The following DLGAP1 variants were observed in gnomAD, a reference collection of about 807,000 sequenced individuals.
DLGAP1 encodes disks large-associated protein 1.
In DLGAP1, 11 loss-of-function variants were observed where a neutral mutation model predicts 90.8. That is an observed-to-expected ratio of 0.12 (90% CI 0.08 to 0.20). DLGAP1 has a LOEUF of 0.20. Ranked by LOEUF, DLGAP1 falls within the 10% of genes least tolerant of loss-of-function variation. The probability of loss-of-function intolerance (pLI) is 1.00; values close to 1 mark genes in which losing one functional copy is unlikely to be tolerated. For synonymous variants in DLGAP1, 558 were observed against 540.7 expected (o/e 1.03, Z -0.44); for missense variants, 1,050 against 1,333.8 (o/e 0.79, Z 3.31).
At chr18:4,006,236 A>G (rs1025455179) in intron 2 of DLGAP1, among the ~76,000 whole-genome samples, 7 of 152,200 alleles carry the variant, frequency 4.6e-5, no homozygotes, top group African/African-American at 1.7e-4. Context: ...GGAGACTAGC[A>G]AAGCCCCTGC....
chr18:4,306,033 T>TACACAGACACAC (rs1555779968), intron 1 of DLGAP1, among the ~76,000 whole-genome samples: 1 of 142,110 alleles, frequency 7.0e-6, no homozygotes, highest in African/African-American at 2.7e-5. Flanking sequence ...CACACACAAA[T>TACACAGACACAC]ACACACACAC....
At chr18:4,200,196 T>C (rs1392567788) in intron 1 of DLGAP1, among the ~76,000 whole-genome samples, 1 of 152,144 alleles carries the variant, frequency 6.6e-6, no homozygotes, top group Non-Finnish European at 1.5e-5. Flanking sequence ...TAAAGATGTT[T>C]TTGAAATTTT....
At chr18:3,925,699 T>A (rs554743898) in intron 3 of DLGAP1, among the ~76,000 whole-genome samples, 1 of 152,194 alleles carries the variant, frequency 6.6e-6, no homozygotes, top group East Asian at 1.9e-4. Flanking sequence ...AAGCCACAGG[T>A]GCAGAGAAGA....
At chr18:3,635,086 A>G (rs1369721869) in intron 7 of DLGAP1, among the ~76,000 whole-genome samples, 1 of 152,118 alleles carries the variant, frequency 6.6e-6, no homozygotes, top group Non-Finnish European at 1.5e-5. Flanking sequence ...TACTGACCAC[A>G]GAAAGTTTCA....
rs188833732 is a variant in DLGAP1, at chr18:4,186,512, A to G, written c.-266-35225T>C. Among the ~76,000 whole-genome samples, 46 of 152,228 alleles carry G rather than the reference A, an allele frequency of 3.0e-4. No individual in the cohort carries two copies. The East Asian group carries it at 7.9e-3, about 26-fold the overall frequency. ...TGCATATGGCTAACCAGTTATCCCA[A>G]CGCCATTTGTTAAATAAGTAATCTT... is the stretch of plus-strand genomic sequence containing the variant. On this transcript the variant is annotated intron_variant, in intron 1 of 12. Coordinates refer to ENST00000315677, the MANE Select transcript of DLGAP1 (RefSeq NM_004746.4).
chr18:3,890,135 T>G (rs1478725480), intron 3 of DLGAP1, among the ~76,000 whole-genome samples: 1 of 152,234 alleles, frequency 6.6e-6, no homozygotes, highest in African/African-American at 2.4e-5. Context: ...CACTGTGGTC[T>G]ACATCCAAGT....
intron 2 of DLGAP1, among the ~76,000 whole-genome samples, chr18:4,090,409 C>A (rs1045575468): frequency 2.6e-5 from 4 of 152,080 alleles, no homozygotes; most frequent in African/African-American, 4.8e-5. Context: ...AAGAAAAAAA[C>A]CACCCCATCA....
chr18:4,269,281 A>G (rs2079201465), intron 1 of DLGAP1, among the ~76,000 whole-genome samples: 1 of 149,092 alleles, frequency 6.7e-6, no homozygotes, highest in African/African-American at 2.4e-5. Context: ...TTCTCTTTGG[A>G]AAACTATCAC....
intron 1 of DLGAP1, among the ~76,000 whole-genome samples, chr18:4,164,957 A>T (rs572291241): frequency 6.6e-6 from 1 of 152,230 alleles, no homozygotes; most frequent in Non-Finnish European, 1.5e-5. Flanking sequence ...TCTCATCAAC[A>T]GAGGGAAAAT....
At chr18:4,398,877 G>A (rs1381138785) in intron 1 of DLGAP1, among the ~76,000 whole-genome samples, 1 of 152,216 alleles carries the variant, frequency 6.6e-6, no homozygotes, top group Admixed American at 6.5e-5. Flanking sequence ...CTGTCGCCAG[G>A]CTGGAGTGCC....
chr18:3,628,792 T>C (rs1451286128), intron 7 of DLGAP1, among the ~76,000 whole-genome samples: 1 of 152,238 alleles, frequency 6.6e-6, no homozygotes. Flanking sequence ...GTGGGTTGAT[T>C]CACCTATATT....
intron 1 of DLGAP1, among the ~76,000 whole-genome samples, chr18:4,156,416 T>C (rs2076757397): frequency 1.3e-5 from 2 of 152,240 alleles, no homozygotes; most frequent in African/African-American, 4.8e-5. Flanking sequence ...TGCAACATAT[T>C]TTAATTCCCT....
intron 7 of DLGAP1, among the ~76,000 whole-genome samples, chr18:3,691,219 CG>C (rs1598364439): frequency 6.6e-6 from 1 of 151,976 alleles, no homozygotes; most frequent in East Asian, 1.9e-4. Context: ...GAGGTGGAGG[CG>C]GGTGGATCAC....
intron 4 of DLGAP1, among the ~76,000 whole-genome samples, chr18:3,876,944 AT>A (rs1568272608): frequency 2.0e-5 from 3 of 152,120 alleles, no homozygotes; most frequent in Admixed American, 2.0e-4. Context: ...CTTGCTCACC[AT>A]TTTTGATGCC....
intron 7 of DLGAP1, among the ~76,000 whole-genome samples, chr18:3,586,451 T>C (rs1490272252): frequency 1.3e-5 from 2 of 152,042 alleles, no homozygotes; most frequent in South Asian, 2.1e-4. Context: ...TGTCCAGTCA[T>C]GGGCTAGGAA....
intron 1 of DLGAP1, among the ~76,000 whole-genome samples, chr18:4,347,149 A>C (rs184690598): frequency 6.6e-6 from 1 of 152,238 alleles, no homozygotes; most frequent in Admixed American, 6.5e-5. Context: ...AATTGACTCC[A>C]TTAATGGAGA....
intron 1 of DLGAP1, among the ~76,000 whole-genome samples, chr18:4,267,970 A>G (rs994090473): frequency 5.9e-5 from 9 of 152,334 alleles, no homozygotes; most frequent in Middle Eastern, 3.4e-3. Flanking sequence ...GCCATATTCT[A>G]TTGGTCACAT....
At chr18:3,966,747 T>A (rs537355847) in intron 3 of DLGAP1, among the ~76,000 whole-genome samples, 39 of 152,220 alleles carry the variant, frequency 2.6e-4, no homozygotes, top group East Asian at 1.9e-3. Flanking sequence ...ACATTGGAGA[T>A]GTTTATTAGA....
intron 3 of DLGAP1, among the ~76,000 whole-genome samples, chr18:3,929,433 C>G (rs771628570): frequency 2.5e-4 from 38 of 152,202 alleles, no homozygotes; most frequent in Admixed American, 1.3e-4. Flanking sequence ...AGAGAAGCCC[C>G]ACCATGGGTT....
Sources: allele counts gnomAD v4.1 joint callset (sites outside exome capture counted in the v4.1 genomes callset), GRCh38; gene constraint gnomAD v4.1.1; transcripts MANE v1.5; gene names NCBI Gene and HGNC (gene_info 2026-07-23, HGNC 2026-07-21).